The following TK1 variants were observed in gnomAD, a reference collection of about 807,000 sequenced individuals.
TK1 encodes the protein thymidine kinase 1, also known as thymidine kinase, cytosolic.
Under a neutral mutation model 22.4 loss-of-function variants are expected in TK1, and 13 were observed. The observed-to-expected ratio is 0.58, with a 90% CI of 0.38 to 0.92. The LOEUF is 0.92. Ranked by LOEUF, TK1 falls within the 40% of genes least tolerant of loss-of-function variation. TK1 has a pLI of 0.00. For synonymous variants in TK1, 134 were observed against 125.4 expected (o/e 1.07, Z -0.46); for missense variants, 251 against 315.7 (o/e 0.80, Z 1.55).
chr17:78,174,156 G>T lies in TK1; in HGVS notation c.*603C>A, dbSNP rs1035502714. ...CGTGGACCCTGCCCTCTCCACACTT[G>T]AAGAGATAAGCCCCTGGGATCCAAG... On this transcript the variant is annotated 3_prime_UTR_variant, in exon 7 of 7. Transcript: ENST00000301634. 6.5e-6 allele frequency: 1 copy of T among 152,712 alleles called. No homozygotes were observed. The highest frequency in any genetic ancestry group is 2.4e-5 in the African/African-American group (1 of 41,458). The allele number at this position is 152,712 out of a possible 1,614,324, so 9.5% of individuals were successfully genotyped here.
intron 2 of TK1, among the ~76,000 whole-genome samples, chr17:78,185,491 AC>A (rs2075777122): frequency 6.6e-6 from 1 of 151,978 alleles, no homozygotes; most frequent in Non-Finnish European, 1.5e-5. Flanking sequence ...TTCCAAAGTA[AC>A]CTCATCCCAG....
Position 78,182,667 on chromosome 17 carries a change from TG to T in TK1, c.224del (p.Ala75AspfsTer20). ...CGTCTCGGAGCAGGCAGGCGGGCAG[TG>T]CCTCCATGGTGTTCCTGGGAAGAGA... The part of the protein sequence containing the change: ...FCTHDRNTME[A>X]LPACLLRDVA... On this transcript the variant is annotated frameshift_variant, in exon 4 of 7. Transcript: ENST00000301634. LOFTEE classifies it high-confidence loss of function. The T allele has an allele frequency of 1.3e-6, 2 of 1,581,166 alleles. No homozygotes were observed. Among genetic ancestry groups the T allele is most frequent in the Non-Finnish European group, 1.7e-6 (2 of 1,166,712 alleles).
At position 78,174,947 on chromosome 17, in the gene TK1, C is replaced by T. The variant is rs759868779; in HGVS notation, c.517G>A (p.Glu173Lys). Residue 173 changes from glutamate to lysine, a missense_variant, in exon 7 of 7, where the codon GAG becomes AAG. By Grantham distance (56) the Glu-to-Lys change is moderately conservative. Transcript: ENST00000301634. ...TACTTGTCTGCTCCCCCAATCACCT[C>T]GACCTGGCCGCAGGGACAGGGGATG... ...TKRLGTEKEV[E>K]VIGGADKYHS... is the part of the protein sequence containing the mutation. 2.0e-5 allele frequency: 33 copies of T among 1,612,492 alleles called. 1 individual carries two copies. The South Asian group carries it at 3.1e-4, about 15-fold the overall frequency.
At chr17:78,179,254 T>A (rs1021103079) in intron 4 of TK1, 21 of 985,168 alleles carry the variant, frequency 2.1e-5, no homozygotes, top group South Asian at 1.4e-4. Context: ...TGATGCAAAA[T>A]CCCTGGATGC....
chr17:78,176,253 A>G (rs1420160804), intron 4 of TK1, among the ~76,000 whole-genome samples: 1 of 150,960 alleles, frequency 6.6e-6, no homozygotes, highest in Non-Finnish European at 1.5e-5. Context: ...AGCAAACTTC[A>G]CTTTGGCCCA....
chr17:78,176,103 T>C (rs1223556487), intron 4 of TK1, among the ~76,000 whole-genome samples: 1 of 152,182 alleles, frequency 6.6e-6, no homozygotes, highest in African/African-American at 2.4e-5. Context: ...AGGTGGGCGC[T>C]TTGTGCTCTT....
At chr17:78,184,787 C>A (rs979728266) in intron 3 of TK1, among the ~76,000 whole-genome samples, 1 of 151,966 alleles carries the variant, frequency 6.6e-6, no homozygotes, top group Non-Finnish European at 1.5e-5. Flanking sequence ...CAAAAGCATC[C>A]CCTCCCCCCT....
intron 4 of TK1, among the ~76,000 whole-genome samples, chr17:78,180,334 T>A (rs1239712052): frequency 1.3e-5 from 2 of 152,214 alleles, no homozygotes; most frequent in Non-Finnish European, 2.9e-5. Context: ...GAGAAATAAA[T>A]TCCTGTTATG....
In TK1 at chr17:78,174,701, G is replaced by A. The variant is rs2075684479; in HGVS notation, c.*58C>T. On this transcript the variant is annotated 3_prime_UTR_variant, in exon 7 of 7. Coordinates refer to ENST00000301634, the MANE Select transcript of TK1 (RefSeq NM_003258.5). ...TCCTGGAGTGGCTGGGCAGCATGCA[G>A]GGCAGCGTCCAGTAGGCGGCAGTGG... 6.6e-7 allele frequency: 1 copy of A among 1,510,074 alleles called. No homozygotes were observed. Among genetic ancestry groups the A allele is most frequent in the Non-Finnish European group, 8.9e-7 (1 of 1,127,260 alleles). The allele number at this position is 1,510,074 out of a possible 1,614,324, so 93.5% of individuals were successfully genotyped here. A position where few individuals can be genotyped will look rare whatever the true frequency, so the allele number is the denominator to read the frequency against.
At position 78,182,674 on chromosome 17, in the gene TK1, A is replaced by C. The variant is rs775606662; in HGVS notation, c.218T>G (p.Met73Arg). Residue 73 changes from methionine (M) to arginine (R), a missense_variant, in exon 4 of 7, where the codon ATG becomes AGG. Transcript: ENST00000301634. ...SSFCTHDRNT[M>R]EALPACLLRD... ...GAGCAGGCAGGCGGGCAGTGCCTCC[A>C]TGGTGTTCCTGGGAAGAGAAAGCCA... is the stretch of plus-strand genomic sequence containing the variant. 6.3e-7 allele frequency: 1 copy of C among 1,577,578 alleles called. No homozygotes were observed. The highest frequency in any genetic ancestry group is 2.3e-5 in the East Asian group (1 of 43,412).
Position 78,174,806 on chromosome 17 carries a change from TC to T in TK1, c.657del (p.Lys220SerfsTer81), listed in dbSNP as rs1434611547. ...PGKPGEAVAA[R>X]KLFAPQQILQ... ...AGAATCTGCTGTGGGGCAAAGAGCT[TC>T]CTGGCAGCCACGGCTTCCCCTGGCT... is the stretch of plus-strand genomic sequence containing the variant. On this transcript the variant is annotated frameshift_variant, in exon 7 of 7. Transcript: ENST00000301634. LOFTEE classifies it high-confidence loss of function. 1.2e-6 allele frequency: 2 copies of T among 1,612,870 alleles called. No individual in the cohort carries two copies. Among genetic ancestry groups the T allele is most frequent in the Non-Finnish European group, 1.7e-6 (2 of 1,179,516 alleles).
intron 4 of TK1, among the ~76,000 whole-genome samples, chr17:78,181,166 A>C (rs534410599): frequency 3.6e-4 from 55 of 152,086 alleles, no homozygotes; most frequent in South Asian, 3.1e-3. Flanking sequence ...AACTGCTTGA[A>C]CCCAAAAGGC....
intron 4 of TK1, chr17:78,179,879 G>C: frequency 2.8e-6 from 1 of 357,444 alleles, no homozygotes; most frequent in Non-Finnish European, 3.9e-6. Context: ...AGACCAGCCC[G>C]GTCAACATGA....
Position 78,175,881 on chromosome 17 carries a change from C to T in TK1, c.304-263G>A, listed in dbSNP as rs117276569. Among the ~76,000 whole-genome samples, 1,499 of 152,310 alleles carry T rather than the reference C, an allele frequency of 9.8e-3. 17 individuals carry two copies. Among genetic ancestry groups the T allele is most frequent in the Non-Finnish European group, 0.016 (1,067 of 68,022 alleles). ...AGTCCAGGTACCCAGGACTCAGCAC[C>T]GGACTTCCACACCAGCTGTGCTGTT... On this transcript the variant is annotated intron_variant, in intron 4 of 6. Transcript: ENST00000301634.
At chr17:78,185,250 T>A in intron 2 of TK1, 85 bp from the exon 3 acceptor site, 1 of 1,012,460 alleles carries the variant, frequency 9.9e-7, no homozygotes, top group South Asian at 1.3e-5. Flanking sequence ...TGGCTCCTCA[T>A]TGTCCCTAGT....
intron 2 of TK1, 96 bp from the exon 3 acceptor site, chr17:78,185,261 G>T: frequency 2.2e-6 from 2 of 899,122 alleles, no homozygotes; most frequent in South Asian, 2.8e-5. Flanking sequence ...TGTCCCTAGT[G>T]GTATGCAGAC....
rs933571558 is a variant in TK1 at position 78,182,761 on chromosome 17, C to T, written c.210-79G>A. ...TGCAGGGGCCAGGGAATGGCACTGT[C>T]GTGACCACCTGCTACCTGCAAAGCA... On this transcript the variant is annotated intron_variant, in intron 3 of 6. Transcript: ENST00000301634. The T allele has an allele frequency of 1.9e-4, 207 of 1,069,370 alleles. 1 individual carries two copies. The highest frequency in any genetic ancestry group is 2.5e-4 in the East Asian group (9 of 35,518). The allele number at this position is 1,069,370 out of a possible 1,614,324, so 66.2% of individuals were successfully genotyped here.
intron 4 of TK1, among the ~76,000 whole-genome samples, chr17:78,180,268 C>T (rs1305903907): frequency 1.3e-5 from 2 of 152,208 alleles, no homozygotes; most frequent in African/African-American, 4.8e-5. Context: ...ACCTAAGCCG[C>T]CTCGTGGGCG....
At chr17:78,176,934 C>T (rs1401246458) in intron 4 of TK1, among the ~76,000 whole-genome samples, 1 of 152,194 alleles carries the variant, frequency 6.6e-6, no homozygotes, top group East Asian at 1.9e-4. Context: ...AAGAACCCTC[C>T]TGAGTTGAGA....
Sources: gnomAD v4.1 joint callset for allele counts (sites outside exome capture counted in the v4.1 genomes callset) on GRCh38, gnomAD v4.1.1 for gene constraint, MANE v1.5 for transcripts, NCBI Gene and HGNC (gene_info 2026-07-23, HGNC 2026-07-21) for gene names.